The following SLC27A1 variants were observed in gnomAD, a reference collection of about 807,000 sequenced individuals.
The protein encoded by SLC27A1 is long-chain fatty acid transport protein 1.
SLC27A1 carries 61 observed loss-of-function variants against 62.2 expected under a neutral mutation model. The observed-to-expected ratio is 0.98, with a 90% CI of 0.80 to 1.21. The LOEUF (loss-of-function observed/expected upper bound fraction) is 1.21. Ranked by LOEUF, SLC27A1 falls within the 50% of genes most tolerant of loss-of-function variation. SLC27A1 has a pLI of 0.00. For missense variants in SLC27A1, 903 were observed against 932.1 expected (o/e 0.97, Z 0.41); for synonymous variants, 435 against 408.6 (o/e 1.06, Z -0.78).
intron 1 of SLC27A1, among the ~76,000 whole-genome samples, chr19:17,479,569 G>A (rs772379875): frequency 1.3e-5 from 2 of 152,110 alleles, no homozygotes; most frequent in African/African-American, 4.8e-5. Flanking sequence ...TCCCATATGC[G>A]AATTTAATAT....
intron 6 of SLC27A1, chr19:17,496,972 G>A (rs2144607160): frequency 2.8e-6 from 1 of 359,384 alleles, no homozygotes; most frequent in South Asian, 4.4e-5. Flanking sequence ...GCAGTGAGCT[G>A]TGATCATGCC....
chr19:17,475,664 C>G lies in SLC27A1; in HGVS notation c.167+4957C>G, dbSNP rs188176766. ...ACTCCAGAGCATGTGCTCTTAGCCA[C>G]TGTGCCGCACTGGAGTGGTTGGGGT... On this transcript the variant is annotated intron_variant, in intron 1 of 11. Transcript: ENST00000252595. 2.7e-4 allele frequency among the ~76,000 whole-genome samples: 41 copies of G among 152,342 alleles called. No individual in the cohort carries two copies. The East Asian group carries it at 6.9e-3, about 26-fold the overall frequency.
At chr19:17,475,944 A>G (rs575354460) in intron 1 of SLC27A1, among the ~76,000 whole-genome samples, 8 of 152,246 alleles carry the variant, frequency 5.3e-5, no homozygotes, top group African/African-American at 1.9e-4. Context: ...TGGTGTGGGC[A>G]TCCTTGAGAG....
chr19:17,469,983 C>A (rs898506236), upstream of SLC27A1, among the ~76,000 whole-genome samples: 1 of 151,600 alleles, frequency 6.6e-6, no homozygotes, highest in African/African-American at 2.4e-5. Flanking sequence ...GGGCTTGTAC[C>A]TGTGGGCTGG....
At chr19:17,485,498 C>CTTGTTTGTTTGT (rs148197572) in intron 1 of SLC27A1, among the ~76,000 whole-genome samples, 38 of 149,786 alleles carry the variant, frequency 2.5e-4, no homozygotes, top group African/African-American at 6.6e-4. Context: ...TAAAGCATTT[C>CTTGTTTGTTTGT]TTGTTTGTTT....
intron 11 of SLC27A1, chr19:17,503,345 C>T (rs2075437464): frequency 6.6e-6 from 1 of 152,336 alleles, no homozygotes; most frequent in East Asian, 1.9e-4. Context: ...ATATTTTCGG[C>T]TTTGCAGGCC....
intron 6 of SLC27A1, chr19:17,492,215 A>G (rs1424353311): frequency 6.6e-6 from 1 of 152,192 alleles, no homozygotes; most frequent in Non-Finnish European, 1.5e-5. Flanking sequence ...TCGCTGGTCT[A>G]TATATTTTAT....
At chr19:17,473,334 C>G (rs2075094370) in intron 1 of SLC27A1, among the ~76,000 whole-genome samples, 1 of 152,198 alleles carries the variant, frequency 6.6e-6, no homozygotes, top group Non-Finnish European at 1.5e-5. Context: ...CCCCTTCCTC[C>G]TAACAGCAAG....
At chr19:17,491,369 A>C (rs893211780) in intron 6 of SLC27A1, among the ~76,000 whole-genome samples, 1 of 151,100 alleles carries the variant, frequency 6.6e-6, no homozygotes, top group Non-Finnish European at 1.5e-5. Context: ...TGCCTCTATG[A>C]TTTGCCTGTT....
intron 8 of SLC27A1, 43 bp from the exon 9 acceptor site, chr19:17,500,452 G>C: frequency 1.2e-6 from 2 of 1,611,502 alleles, no homozygotes; most frequent in Non-Finnish European, 1.7e-6. Context: ...GGGTCCCCAC[G>C]CCCTGCCTGC....
chr19:17,497,645 A>C, intron 7 of SLC27A1, 181 bp downstream of exon 7: 1 of 661,982 alleles, frequency 1.5e-6, no homozygotes, highest in Non-Finnish European at 2.7e-6. Context: ...CCAGAGGGAC[A>C]ATCCTGCAGC....
At chr19:17,499,127 G>C (rs576491196) in intron 7 of SLC27A1, 1 of 203,002 alleles carries the variant, frequency 4.9e-6, no homozygotes, top group Admixed American at 5.8e-5. Flanking sequence ...GGGAAAGGGA[G>C]ACTCCCTTTC....
chr19:17,486,977 T>A lies in SLC27A1; in HGVS notation c.562+20T>A, dbSNP rs758924581. 84 of 1,553,160 alleles carry A rather than the reference T, an allele frequency of 5.4e-5. No homozygotes were observed. The highest frequency in any genetic ancestry group is 6.9e-5 in the Non-Finnish European group (80 of 1,155,990). On this transcript the variant is annotated intron_variant, in intron 2 of 11. Coordinates refer to ENST00000252595, the MANE Select transcript of SLC27A1 (RefSeq NM_198580.3). This position sits in a 1 kb window ranked among gnomAD's most constrained non-coding sequence, Gnocchi z 6.6. ...TGGCGGGTGAGGCCAGGCGTGGGCA[T>A]CAGGTGGGCGGGGACCCAGGACTGG...
intron 11 of SLC27A1, among the ~76,000 whole-genome samples, chr19:17,501,751 C>A (rs2075416295): frequency 6.9e-6 from 1 of 145,664 alleles, no homozygotes; most frequent in Non-Finnish European, 1.5e-5. Flanking sequence ...TGCAGTGAGC[C>A]CAGATCACGC....
intron 1 of SLC27A1, 95 bp downstream of exon 1, chr19:17,470,802 G>A (rs1480982908): frequency 4.2e-6 from 5 of 1,186,450 alleles, no homozygotes; most frequent in East Asian, 3.5e-5. Flanking sequence ...GGCTTGGAGG[G>A]TCCGGAGAGC....
At chr19:17,470,980 T>TA (rs1452256146) in intron 1 of SLC27A1, among the ~76,000 whole-genome samples, 1 of 134,002 alleles carries the variant, frequency 7.5e-6, no homozygotes, top group African/African-American at 2.9e-5. Flanking sequence ...GCAGGCTGCT[T>TA]AGGAGATGAT....
At chr19:17,488,743 TG>T in intron 4 of SLC27A1, 104 bp from the exon 5 acceptor site, 1 of 956,076 alleles carries the variant, frequency 1.0e-6, no homozygotes, top group Non-Finnish European at 1.6e-6. Flanking sequence ...TCATGCGAAC[TG>T]GGCTGGCTTT....
In SLC27A1 at chr19:17,476,302, G is replaced by A. The variant is rs1021021718; in HGVS notation, c.167+5595G>A. ...TGTAATCCCAGCACTTTGGGAGGCT[G>A]AGGCGGGCTGATCACCTGAGGTCAG... is the stretch of plus-strand genomic sequence containing the variant. On this transcript the variant is annotated intron_variant, in intron 1 of 11. Transcript: ENST00000252595. Among the ~76,000 whole-genome samples, 22 of 152,070 alleles carry A rather than the reference G, an allele frequency of 1.4e-4. 1 individual carries two copies. The highest frequency in any genetic ancestry group is 2.4e-4 in the Non-Finnish European group (16 of 68,016).
intron 6 of SLC27A1, among the ~76,000 whole-genome samples, chr19:17,493,427 CAAAA>C (rs769247313): frequency 1.4e-5 from 1 of 72,032 alleles, no homozygotes; most frequent in Non-Finnish European, 2.3e-5. Context: ...AACTCCATCT[CAAAA>C]AAAAAAAAAA....
Sources: gnomAD v4.1 joint callset for allele counts (sites outside exome capture counted in the v4.1 genomes callset) on GRCh38, gnomAD v4.1.1 for gene constraint, Gnocchi (gnomAD v3.1) non-coding constraint, MANE v1.5 for transcripts, NCBI Gene and HGNC (gene_info 2026-07-23, HGNC 2026-07-21) for gene names.